Variants in CERS6 observed in about 807,000 individuals in gnomAD.
CERS6 encodes ceramide synthase 6, also known as LAG1 homolog, ceramide synthase 6.
In CERS6, 26 loss-of-function variants were observed where a neutral mutation model predicts 56.8. The observed-to-expected ratio is 0.46, with a 90% CI of 0.34 to 0.63. The LOEUF is 0.63. CERS6 is among the 30% of genes least tolerant of loss of function. CERS6 has a pLI of 0.01. For missense variants in CERS6, 415 were observed against 467.5 expected (o/e 0.89, Z 1.04); for synonymous variants, 164 against 173.3 (o/e 0.95, Z 0.42).
intron 1 of CERS6, among the ~76,000 whole-genome samples, chr2:168,540,048 TTAGCA>T (rs1695338668): frequency 6.6e-6 from 1 of 152,248 alleles, no homozygotes; most frequent in Admixed American, 6.5e-5. Context: ...AGAACTTCCT[TTAGCA>T]TATTTGAAAT....
intron 8 of CERS6, among the ~76,000 whole-genome samples, chr2:168,752,497 G>C (rs1684302937): frequency 6.6e-6 from 1 of 152,180 alleles, no homozygotes; most frequent in African/African-American, 2.4e-5. Context: ...TATAAGGTAA[G>C]GCTGCAGACT....
chr2:168,563,621 C>G (rs569205571), intron 3 of CERS6, among the ~76,000 whole-genome samples: 1 of 152,194 alleles, frequency 6.6e-6, no homozygotes, highest in Admixed American at 6.5e-5. Flanking sequence ...AATGGTGAAA[C>G]CCCGTCTCTA....
intron 1 of CERS6, among the ~76,000 whole-genome samples, chr2:168,517,521 A>T (rs907658956): frequency 6.7e-6 from 1 of 150,370 alleles, no homozygotes; most frequent in African/African-American, 2.5e-5. Context: ...AAATAAATAA[A>T]TAATAAAATA....
At chr2:168,648,529 C>T (rs1474522522) in intron 4 of CERS6, among the ~76,000 whole-genome samples, 1 of 151,960 alleles carries the variant, frequency 6.6e-6, no homozygotes, top group Non-Finnish European at 1.5e-5. Context: ...TCCTTTAATT[C>T]AGCTCTGATT....
At chr2:168,675,142 T>G (rs1686023852) in intron 4 of CERS6, among the ~76,000 whole-genome samples, 2 of 151,852 alleles carry the variant, frequency 1.3e-5, no homozygotes, top group African/African-American at 4.8e-5. Context: ...CCTAGCAGAT[T>G]TTTTGTATTT....
chr2:168,537,297 G>A (rs1486089685), intron 1 of CERS6, among the ~76,000 whole-genome samples: 1 of 152,152 alleles, frequency 6.6e-6, no homozygotes, highest in African/African-American at 2.4e-5. Flanking sequence ...AGATAATTGT[G>A]CGTGAAAATC....
chr2:168,695,813 T>C lies in CERS6; in HGVS notation c.609+762T>C, dbSNP rs528910526. The stretch of plus-strand genomic sequence containing the variant: ...CAACCATAACCTACATGCCATGAAT[T>C]CTGAAATGTTTCTCTTCTGCCCCAC... On this transcript the variant is annotated intron_variant, in intron 6 of 9. Transcript: ENST00000305747. 6.6e-5 allele frequency among the ~76,000 whole-genome samples: 10 copies of C among 152,324 alleles called. No individual in the cohort carries two copies. The South Asian group carries it at 2.1e-3, about 32-fold the overall frequency.
chr2:168,737,550 T>C (rs1346067736), intron 8 of CERS6, among the ~76,000 whole-genome samples: 1 of 152,240 alleles, frequency 6.6e-6, no homozygotes, highest in Non-Finnish European at 1.5e-5. Context: ...ACATTTGAAA[T>C]CCTGCATGAA....
chr2:168,726,667 C>T (rs1485925677), intron 8 of CERS6, among the ~76,000 whole-genome samples: 1 of 152,146 alleles, frequency 6.6e-6, no homozygotes, highest in Non-Finnish European at 1.5e-5. Context: ...ACTCTACCTA[C>T]CTTACCAAAA....
chr2:168,456,712 A>G lies in CERS6; in HGVS notation c.170+94A>G, dbSNP rs1693668500. The G allele has an allele frequency of 4.0e-6, 5 of 1,239,398 alleles. No individual in the cohort carries two copies. The highest frequency in any genetic ancestry group is 5.6e-6 in the Non-Finnish European group (5 of 889,286). 76.8% of individuals were successfully genotyped at this position (1,239,398 alleles called of 1,614,324 possible). On this transcript the variant is annotated intron_variant, in intron 1 of 9. Coordinates refer to ENST00000305747, the MANE Select transcript of CERS6 (RefSeq NM_203463.3). The surrounding 1 kb of genome is among the most constrained non-coding windows in gnomAD (Gnocchi z 4.1). ...CTCTGGCGCACGCCCCCGCGCCCCC[A>G]ACGCTCGCGTTCACGCCTCCCAACC...
intron 4 of CERS6, among the ~76,000 whole-genome samples, chr2:168,640,217 A>G (rs1029615882): frequency 1.3e-5 from 2 of 152,208 alleles, no homozygotes; most frequent in African/African-American, 4.8e-5. Context: ...ACATACATCA[A>G]ATTTCTGTGC....
chr2:168,474,175 G>A (rs987263787), intron 1 of CERS6, among the ~76,000 whole-genome samples: 1 of 152,214 alleles, frequency 6.6e-6, no homozygotes, highest in African/African-American at 2.4e-5. Context: ...GTTGGTGAAT[G>A]TAGAGCCATT....
chr2:168,641,467 C>T (rs1685043341), intron 4 of CERS6, among the ~76,000 whole-genome samples: 1 of 152,168 alleles, frequency 6.6e-6, no homozygotes, highest in African/African-American at 2.4e-5. Context: ...ATTCCTGTCC[C>T]AGGCAGCTGG....
intron 1 of CERS6, among the ~76,000 whole-genome samples, chr2:168,469,622 C>T (rs1482626243): frequency 4.6e-5 from 7 of 151,956 alleles, no homozygotes; most frequent in African/African-American, 4.8e-5. Context: ...TTTGGGTACA[C>T]GCAGTAAGGT....
intron 3 of CERS6, among the ~76,000 whole-genome samples, chr2:168,584,123 T>A (rs1683485154): frequency 6.6e-6 from 1 of 152,226 alleles, no homozygotes. Context: ...ATGCCTATGC[T>A]TCCTAAGTAA....
chr2:168,629,481 A>G (rs1684663282), intron 3 of CERS6, among the ~76,000 whole-genome samples: 1 of 152,208 alleles, frequency 6.6e-6, no homozygotes, highest in African/African-American at 2.4e-5. Flanking sequence ...GTCTCCCATT[A>G]TAGAGATGGA....
chr2:168,766,675 A>C lies in CERS6; in HGVS notation c.1002+927A>C, dbSNP rs183073886. Among the ~76,000 whole-genome samples, 272 of 152,352 alleles carry C rather than the reference A, an allele frequency of 1.8e-3. 1 individual carries two copies. Among genetic ancestry groups the C allele is most frequent in the African/African-American group, 6.2e-3 (256 of 41,572 alleles). ...TGTGTTGGCTAAAAGACAGAAATAG[A>C]CCAAAGTAAAGTAGGAGAAACAGAA... On this transcript the variant is annotated intron_variant, in intron 9 of 9. Transcript: ENST00000305747.
chr2:168,736,784 C>A (rs1304540353), intron 8 of CERS6, among the ~76,000 whole-genome samples: 2 of 152,228 alleles, frequency 1.3e-5, no homozygotes, highest in Non-Finnish European at 2.9e-5. Context: ...TCAGATGGAG[C>A]TGATGCATGT....
intron 3 of CERS6, among the ~76,000 whole-genome samples, chr2:168,570,896 T>C (rs1279728473): frequency 6.6e-6 from 1 of 152,178 alleles, no homozygotes; most frequent in Non-Finnish European, 1.5e-5. Flanking sequence ...CAAATGTGGT[T>C]GCAAAGTTGA....
Sources: gnomAD v4.1 joint callset for allele counts (sites outside exome capture counted in the v4.1 genomes callset) on GRCh38, gnomAD v4.1.1 for gene constraint, Gnocchi (gnomAD v3.1) non-coding constraint, MANE v1.5 for transcripts, NCBI Gene and HGNC (gene_info 2026-07-23, HGNC 2026-07-21) for gene names.